CSMD1: variants seen among roughly 807,000 people sequenced by gnomAD.
CSMD1 encodes the protein CUB and Sushi multiple domains 1.
In CSMD1, 213 loss-of-function variants were observed where a neutral mutation model predicts 417.5. The observed-to-expected ratio is 0.51, with a 90% CI of 0.46 to 0.57. The LOEUF (loss-of-function observed/expected upper bound fraction) is 0.57, where lower values mean the gene tolerates loss of function less well. Ranked by LOEUF, CSMD1 falls within the 20% of genes least tolerant of loss-of-function variation. The probability of loss-of-function intolerance (pLI) is 0.00; values close to 1 mark genes in which losing one functional copy is unlikely to be tolerated. For missense variants in CSMD1, 6,923 were observed against 4,529.7 expected, an observed-to-expected ratio of 1.53 and a Z score of -15.17; for synonymous variants, 2,862 against 1,736.8, an observed-to-expected ratio of 1.65 and a Z score of -16.11.
intron 5 of CSMD1, among the ~76,000 whole-genome samples, chr8:3,903,017 G>A (rs2954628): frequency 0.16 from 24,591 of 151,996 alleles, 2,373 homozygotes; most frequent in East Asian, 0.33. Flanking sequence ...ATGAATGCAC[G>A]TTTCTGTGTT....
chr8:3,336,944 CAGTT>C (rs1384845371), intron 23 of CSMD1, among the ~76,000 whole-genome samples: 1 of 152,136 alleles, frequency 6.6e-6, no homozygotes, highest in Non-Finnish European at 1.5e-5. Flanking sequence ...TAAAAAAAGT[CAGTT>C]AGTTCTAGGA....
chr8:3,286,466 C>G (rs1449120242), intron 25 of CSMD1, among the ~76,000 whole-genome samples: 1 of 152,162 alleles, frequency 6.6e-6, no homozygotes, highest in Non-Finnish European at 1.5e-5. Flanking sequence ...GTTCCTATTT[C>G]TCCACATCCT....
chr8:4,015,960 G>A (rs557140642), intron 4 of CSMD1, among the ~76,000 whole-genome samples: 46 of 152,268 alleles, frequency 3.0e-4, no homozygotes, highest in African/African-American at 9.1e-4. Context: ...GAAGGTTGCC[G>A]TTGGAGGGAA....
intron 3 of CSMD1, among the ~76,000 whole-genome samples, chr8:4,328,025 C>T (rs1381150615): frequency 1.3e-5 from 2 of 152,204 alleles, no homozygotes; most frequent in East Asian, 3.9e-4. Context: ...ATAAGAGGTA[C>T]TTAGCGTCAG....
At chr8:3,736,156 G>C (rs754165871) in intron 6 of CSMD1, among the ~76,000 whole-genome samples, 2 of 152,058 alleles carry the variant, frequency 1.3e-5, no homozygotes, top group African/African-American at 2.4e-5. Flanking sequence ...CCCTGTAATC[G>C]CATCACATCT....
intron 10 of CSMD1, among the ~76,000 whole-genome samples, chr8:3,550,030 T>C (rs1466964983): frequency 3.3e-5 from 5 of 152,230 alleles, no homozygotes; most frequent in Non-Finnish European, 7.3e-5. Context: ...TACATTTAAC[T>C]CTGATTTTTC....
intron 6 of CSMD1, among the ~76,000 whole-genome samples, chr8:3,732,799 G>C (rs7826718): frequency 4.6e-5 from 7 of 151,924 alleles, no homozygotes; most frequent in African/African-American, 1.7e-4. Context: ...GAGTGATTCC[G>C]TTTCACCTGG....
intron 3 of CSMD1, among the ~76,000 whole-genome samples, chr8:4,252,365 G>C (rs868726083): frequency 6.6e-6 from 1 of 152,194 alleles, no homozygotes; most frequent in Non-Finnish European, 1.5e-5. Context: ...CTGTCCAATA[G>C]ACGCTGAAGT....
intron 2 of CSMD1, among the ~76,000 whole-genome samples, chr8:4,455,356 C>G (rs973972044): frequency 6.6e-6 from 1 of 152,114 alleles, no homozygotes; most frequent in African/African-American, 2.4e-5. Context: ...AAGTGACACC[C>G]AGAAGCTGGA....
In CSMD1 at chr8:3,257,495, T is replaced by A. The variant is rs576617092; in HGVS notation, c.4153+26649A>T. On this transcript the variant is annotated intron_variant, in intron 26 of 69. Coordinates refer to ENST00000635120, the MANE Select transcript of CSMD1 (RefSeq NM_033225.6). ...AATGAAATATTATGGATATGGACAG[T>A]GACAGTGCGTTGGGATAAAGAAGAC... Among the ~76,000 whole-genome samples, 9 of 152,292 alleles carry A rather than the reference T, an allele frequency of 5.9e-5. No individual in the cohort carries two copies. In the South Asian group the frequency reaches 1.9e-3, roughly 32 times the overall value.
Position 3,087,258 on chromosome 8 carries a change from A to C in CSMD1, c.7313T>G (p.Leu2438Arg), listed in dbSNP as rs777737107. The change falls in exon 49 of 70, where the codon CTG becomes CGG. Residue 2438 changes from leucine (L) to arginine (R), a missense_variant. Physicochemically the swap from Leu to Arg is moderately radical, Grantham distance 102. Transcript: ENST00000635120. ...CCTGTTTAGAATACCCCCATTCTTCAGGGGGTGGGTCAAACTGCAGTAAGG... is the reference window on the plus strand; with the variant it reads ...CCTGTTTAGAATACCCCCATTCTTCCGGGGGTGGGTCAAACTGCAGTAAGG... ...AAPYCSLTHPLKNGGILNRTA... is the reference protein window; with the variant it reads ...AAPYCSLTHPRKNGGILNRTA... 1 of 1,613,912 alleles carries C rather than the reference A, an allele frequency of 6.2e-7. No homozygotes were observed. Among genetic ancestry groups the C allele is most frequent in the Non-Finnish European group, 8.5e-7 (1 of 1,179,854 alleles).
intron 1 of CSMD1, among the ~76,000 whole-genome samples, chr8:4,970,863 T>C (rs1375070808): frequency 2.0e-5 from 3 of 152,088 alleles, no homozygotes; most frequent in Non-Finnish European, 2.9e-5. Flanking sequence ...TGAAAATTTT[T>C]TCAGTATTTT....
intron 20 of CSMD1, 70 bp from the exon 21 acceptor site, chr8:3,359,410 T>C (rs1809007884): frequency 8.7e-6 from 8 of 918,678 alleles, no homozygotes; most frequent in Non-Finnish European, 1.0e-5. Context: ...ATAGCAAGAA[T>C]AAAAAGTGCT....
intron 5 of CSMD1, among the ~76,000 whole-genome samples, chr8:3,836,337 G>C (rs1229586567): frequency 6.6e-6 from 1 of 152,112 alleles, no homozygotes; most frequent in Non-Finnish European, 1.5e-5. Context: ...ACTTGACAAA[G>C]ATCTATGAGG....
At chr8:3,695,178 C>T (rs1161254833) in intron 7 of CSMD1, among the ~76,000 whole-genome samples, 2 of 150,936 alleles carry the variant, frequency 1.3e-5, no homozygotes, top group Non-Finnish European at 2.9e-5. Context: ...TTTCCAAGGA[C>T]CTCGAAGACA....
At chr8:3,319,228 A>C (rs933600125) in intron 23 of CSMD1, among the ~76,000 whole-genome samples, 54 of 152,308 alleles carry the variant, frequency 3.5e-4, no homozygotes, top group African/African-American at 1.2e-3. Flanking sequence ...AAAAACTACT[A>C]ATTGCTTAAA....
intron 2 of CSMD1, among the ~76,000 whole-genome samples, chr8:4,486,850 T>C (rs1224516403): frequency 6.6e-6 from 1 of 152,118 alleles, no homozygotes; most frequent in Non-Finnish European, 1.5e-5. Context: ...TGTTATTAAT[T>C]ACACATCAAG....
chr8:3,530,128 G>C (rs745872954), intron 10 of CSMD1, among the ~76,000 whole-genome samples: 2 of 151,898 alleles, frequency 1.3e-5, no homozygotes, highest in Non-Finnish European at 2.9e-5. Flanking sequence ...AAAGCAACTT[G>C]GTTTAAGTTC....
At position 4,447,027 on chromosome 8, in the gene CSMD1, TAACA is replaced by T. The variant is rs1426103578; in HGVS notation, c.303-26966_303-26963del. 2.0e-5 allele frequency among the ~76,000 whole-genome samples: 3 copies of T among 152,000 alleles called. 1 individual carries two copies. Among genetic ancestry groups the T allele is most frequent in the Admixed American group, 2.0e-4 (3 of 15,264 alleles). On this transcript the variant is annotated intron_variant, in intron 2 of 69. Coordinates refer to ENST00000635120, the MANE Select transcript of CSMD1 (RefSeq NM_033225.6). ...TGTTGCATGGAAGGGATTGTGGAGT[TAACA>T]AAAAGGATCATCAGCCTGTGTCAGG...
Sources: gnomAD v4.1 joint callset for allele counts (sites outside exome capture counted in the v4.1 genomes callset) on GRCh38, gnomAD v4.1.1 for gene constraint, MANE v1.5 for transcripts, NCBI Gene and HGNC (gene_info 2026-07-23, HGNC 2026-07-21) for gene names.